The following ZNF737 variants were observed in gnomAD, a reference collection of about 807,000 sequenced individuals.
ZNF737 encodes zinc finger protein 102 (Y3).
A neutral mutation model predicts 11.7 loss-of-function variants in ZNF737; 13 were observed. The observed-to-expected ratio is 1.11, with a 90% CI of 0.73 to 1.77. The LOEUF is 1.77. Ranked by LOEUF, ZNF737 falls within the 40% of genes most tolerant of loss-of-function variation. The probability of loss-of-function intolerance (pLI) is 0.00; values close to 1 mark genes in which losing one functional copy is unlikely to be tolerated. For synonymous variants in ZNF737, 217 were observed against 216.2 expected, an observed-to-expected ratio of 1.00 and a Z score of -0.03; for missense variants, 636 against 638.0, an observed-to-expected ratio of 1.00 and a Z score of 0.03.
In ZNF737 at chr19:20,543,716, C is replaced by T; in HGVS notation, c.*876G>A. 1 of 985,376 alleles carries T rather than the reference C, an allele frequency of 1.0e-6. No individual in the cohort carries two copies. The allele number at this position is 985,376 out of a possible 1,614,324, so 61.0% of individuals were successfully genotyped here. ...CATTTTATATATTTCTAGGGTTTCACACTAGTATAATTATTGTTATGTGTA... is the reference window on the plus strand; with the variant it reads ...CATTTTATATATTTCTAGGGTTTCATACTAGTATAATTATTGTTATGTGTA... On this transcript the variant is annotated 3_prime_UTR_variant, in exon 4 of 4. Transcript: ENST00000427401.
intron 3 of ZNF737, among the ~76,000 whole-genome samples, chr19:20,548,985 T>TAAAC (rs1555757702): frequency 6.7e-4 from 49 of 72,766 alleles, no homozygotes; most frequent in Middle Eastern, 7.1e-3. Context: ...AAAAAACAAT[T>TAAAC]ATGTATCTTT....
Position 20,544,408 on chromosome 19 carries a change from T to C in ZNF737, c.*184A>G, listed in dbSNP as rs542395631. The C allele has an allele frequency of 2.1e-4, 303 of 1,443,246 alleles. 2 individuals are homozygous for C. In the African/African-American group the frequency reaches 4.0e-3, roughly 19 times the overall value. The allele number at this position is 1,443,246 out of a possible 1,614,324, so 89.4% of individuals were successfully genotyped here. ...AGGGCAGAGGTGTCCTTAAAGGCTT[T>C]GCTGCATTTTCTTATTTGTTGGGTT... On this transcript the variant is annotated 3_prime_UTR_variant, in exon 4 of 4. Transcript: ENST00000427401.
chr19:20,544,004 T>A lies in ZNF737; in HGVS notation c.*588A>T, dbSNP rs542532635. 12 of 611,072 alleles carry A rather than the reference T, an allele frequency of 2.0e-5. No individual in the cohort carries two copies. Among genetic ancestry groups the A allele is most frequent in the Middle Eastern group, 8.4e-4 (1 of 1,184 alleles). 37.9% of individuals were successfully genotyped at this position (611,072 alleles called of 1,614,324 possible). On this transcript the variant is annotated 3_prime_UTR_variant, in exon 4 of 4. Transcript: ENST00000427401. Reference sequence around the variant, plus strand: ...TTAGCTGGGCATGTTGGAGGACACCTGTAATCCCAGCTACTCAGGAAGCTG... The same window carrying A: ...TTAGCTGGGCATGTTGGAGGACACCAGTAATCCCAGCTACTCAGGAAGCTG...
rs1214335629 is a variant in ZNF737 at position 20,544,967 on chromosome 19, A to G, written c.1236T>C (p.Leu412=). ...CGEAFKYSSS[L]TTHKIIHTGQ... Reference sequence around the variant, plus strand: ...CAGTATGGATTATCTTATGTGTAGTAAGGGAAGAGGAGTACTTAAAGGCTT... The same window carrying G: ...CAGTATGGATTATCTTATGTGTAGTGAGGGAAGAGGAGTACTTAAAGGCTT... Residue 412 remains leucine, a synonymous_variant, in exon 4 of 4, where the codon CTT becomes CTC. Coordinates refer to ENST00000427401, the MANE Select transcript of ZNF737 (RefSeq NM_001159293.2). 1 of 1,613,024 alleles carries G rather than the reference A, an allele frequency of 6.2e-7. No individual in the cohort carries two copies. The highest frequency in any genetic ancestry group is 1.3e-5 in the African/African-American group (1 of 74,734).
chr19:20,537,961 A>G (rs75505474), downstream of ZNF737: 4,394 of 686,344 alleles, frequency 6.4e-3, 177 homozygotes, highest in African/African-American at 0.08. Flanking sequence ...ACTATACATA[A>G]TCTTTTAGTA....
At chr19:20,565,455 C>T (rs1555763567) in intron 1 of ZNF737, among the ~76,000 whole-genome samples, 183 bp downstream of exon 1, 2 of 152,140 alleles carry the variant, frequency 1.3e-5, no homozygotes, top group Admixed American at 1.3e-4. Context: ...CGCCAGGGGG[C>T]CCGGCTGTCA....
At chr19:20,552,197 A>ATTT (rs1301931204) in intron 3 of ZNF737, among the ~76,000 whole-genome samples, 1 of 152,096 alleles carries the variant, frequency 6.6e-6, no homozygotes, top group East Asian at 1.9e-4. Flanking sequence ...ACTGTGCAGT[A>ATTT]TTTTATATGC....
At chr19:20,534,026 G>C (rs1389183772), downstream of ZNF737, among the ~76,000 whole-genome samples, 5 of 150,132 alleles carry the variant, frequency 3.3e-5, no homozygotes, top group Admixed American at 1.3e-4. Flanking sequence ...GAAATCACCT[G>C]GGCTAATCAG....
chr19:20,562,598 T>G (rs1969139658), intron 1 of ZNF737, among the ~76,000 whole-genome samples: 1 of 151,978 alleles, frequency 6.6e-6, no homozygotes, highest in East Asian at 1.9e-4. Context: ...CCTCAGGTGA[T>G]CTGCCCACCT....
chr19:20,546,966 G>A (rs1388245366), intron 3 of ZNF737, among the ~76,000 whole-genome samples: 1 of 152,186 alleles, frequency 6.6e-6, no homozygotes, highest in Non-Finnish European at 1.5e-5. Context: ...GGAATTAAAA[G>A]CAAAAGTCAA....
intron 3 of ZNF737, among the ~76,000 whole-genome samples, chr19:20,548,423 T>A (rs1968533662): frequency 6.6e-6 from 1 of 152,202 alleles, no homozygotes. Flanking sequence ...ACTGTATGAT[T>A]CCACATATAT....
chr19:20,564,808 G>C (rs1210895080), intron 1 of ZNF737, among the ~76,000 whole-genome samples: 2 of 116,802 alleles, frequency 1.7e-5, no homozygotes, highest in Non-Finnish European at 3.6e-5. Context: ...CTAGTCCCTG[G>C]ATTTCTACCT....
At chr19:20,555,826 CT>C (rs144778054) in intron 1 of ZNF737, among the ~76,000 whole-genome samples, 17 of 148,722 alleles carry the variant, frequency 1.1e-4, no homozygotes, top group Admixed American at 1.3e-4. Flanking sequence ...AAAGAAAAGC[CT>C]TTTTTTTTTG....
rs1371692992 is a variant in ZNF737 at position 20,541,755 on chromosome 19, TATG to T, written c.*2834_*2836del. 6.6e-6 allele frequency among the ~76,000 whole-genome samples: 1 copy of T among 152,374 alleles called. No individual in the cohort carries two copies. The highest frequency in any genetic ancestry group is 2.1e-4 in the South Asian group (1 of 4,826). ...TTTATTTACATTTTTGTATAATTAT[TATG>T]ATCATAGAAATAATTCTGTAGTCAA... On this transcript the variant is annotated 3_prime_UTR_variant, in exon 4 of 4. Coordinates refer to ENST00000427401, the MANE Select transcript of ZNF737 (RefSeq NM_001159293.2).
At chr19:20,554,665 GTAAA>G (rs1485033417) in intron 1 of ZNF737, among the ~76,000 whole-genome samples, 1 of 151,892 alleles carries the variant, frequency 6.6e-6, no homozygotes, top group Non-Finnish European at 1.5e-5. Context: ...TTTTAAAAAA[GTAAA>G]TAAAATCTGA....
At chr19:20,553,635 T>A in intron 2 of ZNF737, 74 bp downstream of exon 2, 1 of 1,428,044 alleles carries the variant, frequency 7.0e-7, no homozygotes, top group South Asian at 1.3e-5. Context: ...AATAAATTAC[T>A]AAAAAAATTC....
intron 1 of ZNF737, among the ~76,000 whole-genome samples, chr19:20,565,341 C>T (rs1358208826): frequency 2.6e-5 from 4 of 152,212 alleles, no homozygotes; most frequent in African/African-American, 9.6e-5. Context: ...TGACGACCCT[C>T]TGGTGGTCCC....
Position 20,538,896 on chromosome 19 carries a change from T to G in ZNF737, c.*5696A>C. 1 of 985,358 alleles carries G rather than the reference T, an allele frequency of 1.0e-6. No homozygotes were observed. Among genetic ancestry groups the G allele is most frequent in the Non-Finnish European group, 1.2e-6 (1 of 829,816 alleles). 61.0% of individuals were successfully genotyped at this position (985,358 alleles called of 1,614,324 possible). ...GCTTTTTTGAAAAACAAATCTTTTGTTAATTCACTCTAAATTGAGACTACA... is the reference window on the plus strand; with the variant it reads ...GCTTTTTTGAAAAACAAATCTTTTGGTAATTCACTCTAAATTGAGACTACA... On this transcript the variant is annotated 3_prime_UTR_variant, in exon 4 of 4. Transcript: ENST00000427401.
rs1294408556 is a variant in ZNF737, at chr19:20,542,203, TA to T, written c.*2388del. The T allele has an allele frequency of 1.0e-6, 1 of 983,734 alleles. No individual in the cohort carries two copies. The highest frequency in any genetic ancestry group is 1.8e-5 in the African/African-American group (1 of 57,064). The allele number at this position is 983,734 out of a possible 1,614,324, so 60.9% of individuals were successfully genotyped here. A position where few individuals can be genotyped will look rare whatever the true frequency, so the allele number is the denominator to read the frequency against. On this transcript the variant is annotated 3_prime_UTR_variant, in exon 4 of 4. Transcript: ENST00000427401. ...TAGTCTTACCATGGTAAAAATAAAATAAAATTAAGTTCACAAATAATCTAAC... is the reference window on the plus strand; with the variant it reads ...TAGTCTTACCATGGTAAAAATAAAATAAATTAAGTTCACAAATAATCTAAC...
Sources: gnomAD v4.1 joint callset for allele counts (sites outside exome capture counted in the v4.1 genomes callset) on GRCh38, gnomAD v4.1.1 for gene constraint, MANE v1.5 for transcripts, NCBI Gene and HGNC (gene_info 2026-07-23, HGNC 2026-07-21) for gene names.